CDH8: variants seen among roughly 807,000 people sequenced by gnomAD.
CDH8 encodes cadherin-8.
Under a neutral mutation model 68.1 loss-of-function variants are expected in CDH8, and 17 were observed. That is an observed-to-expected ratio of 0.25 (90% CI 0.17 to 0.37). The LOEUF is 0.37. CDH8 is among the 10% of genes least tolerant of loss of function. The pLI, the probability that CDH8 is intolerant of heterozygous loss-of-function variation, is 1.00. For missense variants in CDH8, 763 were observed against 999.3 expected (o/e 0.76, Z 3.19); for synonymous variants, 372 against 365.1 (o/e 1.02, Z -0.21).
At chr16:61,874,058 A>G (rs1963417849) in intron 3 of CDH8, among the ~76,000 whole-genome samples, 1 of 152,098 alleles carries the variant, frequency 6.6e-6, no homozygotes, top group South Asian at 2.1e-4. Flanking sequence ...CTCCATCTCA[A>G]AACAAACAGA....
chr16:61,690,333 C>T (rs534385827), intron 10 of CDH8, among the ~76,000 whole-genome samples: 238 of 152,010 alleles, frequency 1.6e-3, no homozygotes, highest in Non-Finnish European at 2.0e-3. Flanking sequence ...TTTCTGAAAC[C>T]GTAGAATAAC....
chr16:61,832,379 G>GATAGATAGATAC (rs1442092983), intron 4 of CDH8, among the ~76,000 whole-genome samples: 1 of 145,212 alleles, frequency 6.9e-6, no homozygotes, highest in Non-Finnish European at 1.5e-5. Flanking sequence ...TAGATAGATA[G>GATAGATAGATAC]ATACATAGAG....
intron 2 of CDH8, among the ~76,000 whole-genome samples, chr16:61,915,203 T>A (rs1443685436): frequency 2.6e-5 from 4 of 152,188 alleles, no homozygotes; most frequent in Non-Finnish European, 1.5e-5. Context: ...CCTGTTTGCA[T>A]GGCTACAGTC....
At chr16:61,895,409 G>C (rs545455210) in intron 3 of CDH8, among the ~76,000 whole-genome samples, 23 of 152,130 alleles carry the variant, frequency 1.5e-4, no homozygotes, top group African/African-American at 5.5e-4. Context: ...TAAAAATAAA[G>C]AATAGAAAAA....
intron 8 of CDH8, among the ~76,000 whole-genome samples, chr16:61,728,617 A>C (rs1343987494): frequency 6.6e-6 from 1 of 151,108 alleles, no homozygotes; most frequent in Non-Finnish European, 1.5e-5. Context: ...TTAACTTATG[A>C]CTCTAACACA....
chr16:61,965,739 C>T (rs1965237977), intron 2 of CDH8, among the ~76,000 whole-genome samples: 1 of 152,172 alleles, frequency 6.6e-6, no homozygotes, highest in Non-Finnish European at 1.5e-5. Context: ...TAAGGACAGG[C>T]CTGGTGCTAG....
At chr16:61,865,175 G>T (rs1490699668) in intron 3 of CDH8, among the ~76,000 whole-genome samples, 1 of 152,134 alleles carries the variant, frequency 6.6e-6, no homozygotes, top group Non-Finnish European at 1.5e-5. Context: ...CTGCAGTCAG[G>T]CGGATGGACA....
chr16:61,703,799 C>G (rs976604938), intron 10 of CDH8, among the ~76,000 whole-genome samples: 3 of 152,126 alleles, frequency 2.0e-5, no homozygotes, highest in Non-Finnish European at 4.4e-5. Context: ...GAGATCGTGC[C>G]ACTGCACTCC....
At chr16:62,010,957 A>C (rs1202779128) in intron 2 of CDH8, among the ~76,000 whole-genome samples, 2 of 148,058 alleles carry the variant, frequency 1.4e-5, no homozygotes, top group Non-Finnish European at 3.0e-5. Context: ...AAAAAAAAAC[A>C]AACCCTCTTT....
At chr16:61,655,863 C>T (rs1019757669) in intron 10 of CDH8, 142 bp from the exon 11 acceptor site, 2 of 661,096 alleles carry the variant, frequency 3.0e-6, no homozygotes, top group Non-Finnish European at 5.0e-6. Context: ...TTCCCTGACT[C>T]GTCTCCGCAC....
intron 6 of CDH8, among the ~76,000 whole-genome samples, chr16:61,819,371 A>G (rs1194462181): frequency 6.6e-6 from 1 of 152,092 alleles, no homozygotes; most frequent in Non-Finnish European, 1.5e-5. Context: ...AGTTTATAAC[A>G]GCACTTTATG....
At chr16:61,751,086 A>T (rs1413409053) in intron 8 of CDH8, among the ~76,000 whole-genome samples, 1 of 152,158 alleles carries the variant, frequency 6.6e-6, no homozygotes, top group East Asian at 1.9e-4. Context: ...ATAGATGCTC[A>T]GTTGTATATT....
chr16:61,776,953 T>TA (rs1183042562), intron 8 of CDH8, among the ~76,000 whole-genome samples: 1 of 152,086 alleles, frequency 6.6e-6, no homozygotes, highest in Non-Finnish European at 1.5e-5. Context: ...GAACTTAAAA[T>TA]AAAAATTTAA....
intron 10 of CDH8, among the ~76,000 whole-genome samples, chr16:61,700,307 G>T (rs543639866): frequency 6.7e-6 from 1 of 148,258 alleles, no homozygotes; most frequent in East Asian, 2.0e-4. Flanking sequence ...TTGAGACGGC[G>T]TCTCACTCTG....
At chr16:61,987,840 G>A (rs1436931328) in intron 2 of CDH8, among the ~76,000 whole-genome samples, 1 of 151,942 alleles carries the variant, frequency 6.6e-6, no homozygotes, top group Non-Finnish European at 1.5e-5. Flanking sequence ...TTTACCAAGT[G>A]CTAACTGCAT....
chr16:61,682,638 C>T (rs918664526), intron 10 of CDH8, among the ~76,000 whole-genome samples: 11 of 148,070 alleles, frequency 7.4e-5, no homozygotes, highest in Non-Finnish European at 1.6e-4. Flanking sequence ...CTTCATCAGC[C>T]CTCATTTTAA....
intron 8 of CDH8, among the ~76,000 whole-genome samples, chr16:61,770,276 G>A (rs1960744777): frequency 6.6e-6 from 1 of 151,904 alleles, no homozygotes; most frequent in African/African-American, 2.4e-5. Context: ...GTCACATGCA[G>A]ATATCATTTA....
chr16:61,653,607 G>C lies in CDH8; in HGVS notation c.*1C>G, dbSNP rs1250146648. The stretch of plus-strand genomic sequence containing the variant: ...TCCAGTGATTTATTTATAATCCACT[G>C]TCAAGTTTCTTTGTCACTTTCACCA... On this transcript the variant is annotated 3_prime_UTR_variant, in exon 12 of 12. Coordinates refer to ENST00000577390, the MANE Select transcript of CDH8 (RefSeq NM_001796.5). The C allele has an allele frequency of 1.2e-6, 2 of 1,604,922 alleles. No homozygotes were observed. Among genetic ancestry groups the C allele is most frequent in the South Asian group, 2.2e-5 (2 of 89,632 alleles).
At position 61,648,018 on chromosome 16, in the gene CDH8, A is replaced by C. The variant is rs1963242485; in HGVS notation, c.*5590T>G. ...TGGGGAAATAGTACCCAAAGGCACT[A>C]TTTTCACCAGCAAATGCCTACTAAC... On this transcript the variant is annotated 3_prime_UTR_variant, in exon 12 of 12. Coordinates refer to ENST00000577390, the MANE Select transcript of CDH8 (RefSeq NM_001796.5). 21 of 584,510 alleles carry C rather than the reference A, an allele frequency of 3.6e-5. No individual in the cohort carries two copies. In the South Asian group the frequency reaches 4.4e-4, roughly 12 times the overall value. The allele number at this position is 584,510 out of a possible 1,614,324, so 36.2% of individuals were successfully genotyped here.
Sources: allele counts gnomAD v4.1 joint callset (sites outside exome capture counted in the v4.1 genomes callset), GRCh38; gene constraint gnomAD v4.1.1; transcripts MANE v1.5; gene names NCBI Gene and HGNC (gene_info 2026-07-23, HGNC 2026-07-21).